The following CDYL variants were observed in gnomAD, a reference collection of about 807,000 sequenced individuals.
CDYL encodes the protein chromodomain Y like.
CDYL carries 8 observed loss-of-function variants against 47.3 expected under a neutral mutation model. That is an observed-to-expected ratio of 0.17 (90% confidence interval 0.10 to 0.31). The LOEUF is 0.31. Among genes scored for constraint, CDYL ranks in the 10% least tolerant of loss-of-function variants. The pLI is 1.00. For missense variants in CDYL, 471 were observed against 701.4 expected, an observed-to-expected ratio of 0.67 and a Z score of 3.71; for synonymous variants, 266 against 265.0, an observed-to-expected ratio of 1.00 and a Z score of -0.04.
chr6:4,747,054 AT>A (rs1454243412), intron 3 of CDYL, among the ~76,000 whole-genome samples: 14 of 152,300 alleles, frequency 9.2e-5, no homozygotes, highest in Admixed American at 6.5e-4. Flanking sequence ...CACGCCTGTA[AT>A]CCCAGCACTT....
rs1400987185 is a variant in CDYL, at chr6:4,852,475, CCTTCCTTCCTTCCTTCCAAT to C, written c.25-39180_25-39161del. Among the ~76,000 whole-genome samples, 98 of 106,558 alleles carry C rather than the reference CCTTCCTTCCTTCCTTCCAAT, an allele frequency of 9.2e-4. 2 individuals carry two copies. The highest frequency in any genetic ancestry group is 3.0e-3 in the East Asian group (11 of 3,610). 69.9% of individuals were successfully genotyped at this position (106,558 alleles called of 152,430 possible). ...ATCTTCCTTCCTTCCTTCCAATCTT[CCTTCCTTCCTTCCTTCCAAT>C]CTTCCTTCCTTCCTTCCAATCTTCC... On this transcript the variant is annotated intron_variant, in intron 1 of 6. Transcript: ENST00000397588.
intron 5 of CDYL, among the ~76,000 whole-genome samples, chr6:4,946,088 C>T (rs1010893142): frequency 1.3e-5 from 2 of 152,170 alleles, no homozygotes; most frequent in Non-Finnish European, 2.9e-5. Flanking sequence ...AGGCTGGACA[C>T]TCAGTAGCAA....
intron 5 of CDYL, 91 bp downstream of exon 5, chr6:4,943,847 C>A: frequency 2.1e-6 from 2 of 966,888 alleles, no homozygotes; most frequent in Non-Finnish European, 3.0e-6. Flanking sequence ...TAAAGCTGTA[C>A]AGTGTGTCAT....
chr6:4,936,702 T>TAAAAC (rs1561718548), intron 3 of CDYL, among the ~76,000 whole-genome samples: 1 of 152,198 alleles, frequency 6.6e-6, no homozygotes, highest in Non-Finnish European at 1.5e-5. Flanking sequence ...GGGTAGTTTT[T>TAAAAC]AAAACAAAAC....
chr6:4,953,796 G>C, intron 6 of CDYL, 102 bp from the exon 7 acceptor site: 1 of 1,109,918 alleles, frequency 9.0e-7, no homozygotes, highest in Non-Finnish European at 1.3e-6. Context: ...TTTAACAGGT[G>C]ATTGCTGGAA....
chr6:4,810,275 A>T (rs1759492726), intron 1 of CDYL, among the ~76,000 whole-genome samples: 1 of 152,216 alleles, frequency 6.6e-6, no homozygotes, highest in African/African-American at 2.4e-5. Flanking sequence ...TTCAGGCATC[A>T]GTTCCGAAAT....
intron 2 of CDYL, among the ~76,000 whole-genome samples, chr6:4,716,917 T>C (rs1757276085): frequency 6.6e-6 from 1 of 151,948 alleles, no homozygotes; most frequent in South Asian, 2.1e-4. Context: ...TAGCATGAAA[T>C]AGGCACCCCA....
rs556625253 is a variant in CDYL at position 4,737,657 on chromosome 6, G to T, written c.186+2813G>T. ...AAAAATAGCCTCAGCCTCCCAAGTAGGGGGGACTACAGGCATGCACCACCA... is the reference window on the plus strand; with the variant it reads ...AAAAATAGCCTCAGCCTCCCAAGTATGGGGGACTACAGGCATGCACCACCA... On this transcript the variant is annotated intron_variant, in intron 3 of 8. Coordinates refer to the CDYL transcript ENST00000328908. Among the ~76,000 whole-genome samples the T allele has an allele frequency of 7.2e-5, 11 of 151,938 alleles. 1 individual carries two copies. The South Asian group carries it at 1.7e-3, about 23-fold the overall frequency.
chr6:4,946,033 G>C (rs935539173), intron 5 of CDYL, among the ~76,000 whole-genome samples: 1 of 152,224 alleles, frequency 6.6e-6, no homozygotes, highest in Non-Finnish European at 1.5e-5. Flanking sequence ...GGCCTCCCTG[G>C]GAATGGTGTC....
intron 2 of CDYL, among the ~76,000 whole-genome samples, chr6:4,723,950 C>T (rs1263232884): frequency 6.6e-6 from 1 of 152,114 alleles, no homozygotes; most frequent in Admixed American, 6.6e-5. Context: ...ATGAATGAGC[C>T]CTGGGGATTA....
At chr6:4,735,942 T>G (rs1675705686) in intron 3 of CDYL, among the ~76,000 whole-genome samples, 1 of 151,830 alleles carries the variant, frequency 6.6e-6, no homozygotes, top group Non-Finnish European at 1.5e-5. Flanking sequence ...ACAGTTAAGA[T>G]CTACCCTCTT....
upstream of CDYL, chr6:4,773,323 C>T: frequency 5.4e-6 from 2 of 369,280 alleles, no homozygotes; most frequent in South Asian, 4.1e-5. The surrounding 1 kb of genome is among the most constrained non-coding windows in gnomAD (Gnocchi z 4.6). Context: ...CTGCAATCTT[C>T]CCGGTGTGCT....
chr6:4,951,455 A>C (rs972259537), intron 5 of CDYL, among the ~76,000 whole-genome samples: 2 of 152,240 alleles, frequency 1.3e-5, no homozygotes, highest in Middle Eastern at 6.8e-3. Flanking sequence ...GTTCAGTGTC[A>C]TGTATTAAAA....
chr6:4,724,213 G>T (rs960347140), intron 2 of CDYL, among the ~76,000 whole-genome samples: 3 of 147,380 alleles, frequency 2.0e-5, no homozygotes, highest in Non-Finnish European at 3.0e-5. Flanking sequence ...GCTAATTTTT[G>T]TATTTTTTTT....
chr6:4,937,089 G>A (rs892362645), intron 3 of CDYL, among the ~76,000 whole-genome samples: 1 of 152,176 alleles, frequency 6.6e-6, no homozygotes, highest in Non-Finnish European at 1.5e-5. Flanking sequence ...GGGTGCGGTG[G>A]CTAATGCATG....
At chr6:4,892,521 T>C in intron 2 of CDYL, 142 bp downstream of exon 2, 1 of 849,818 alleles carries the variant, frequency 1.2e-6, no homozygotes, top group Non-Finnish European at 1.8e-6. Context: ...CGCCTTCTCC[T>C]TTCTTCGCTG....
intron 4 of CDYL, among the ~76,000 whole-genome samples, chr6:4,942,270 A>C (rs1581284244): frequency 6.6e-6 from 1 of 151,206 alleles, no homozygotes; most frequent in Non-Finnish European, 1.5e-5. Context: ...GCAATTCCTC[A>C]CTCTCCTGTT....
At chr6:4,917,586 G>C (rs1255822441) in intron 2 of CDYL, among the ~76,000 whole-genome samples, 2 of 152,160 alleles carry the variant, frequency 1.3e-5, no homozygotes, top group South Asian at 2.1e-4. Flanking sequence ...TCTAATCTCC[G>C]ATTTACAGAT....
In CDYL at chr6:4,897,790, G is replaced by GTTTTTTTC. The variant is rs1554105984; in HGVS notation, c.691+5418_691+5419insCTTTTTTT. Among the ~76,000 whole-genome samples the GTTTTTTTC allele has an allele frequency of 9.1e-3, 1,274 of 140,250 alleles. 31 individuals are homozygous for GTTTTTTTC. Among genetic ancestry groups the GTTTTTTTC allele is most frequent in the African/African-American group, 0.034 (1,225 of 36,444 alleles). 92.0% of individuals were successfully genotyped at this position (140,250 alleles called of 152,430 possible). On this transcript the variant is annotated intron_variant, in intron 2 of 6. Coordinates refer to ENST00000397588, the MANE Select transcript of CDYL (RefSeq NM_004824.4). ...ATTTTCCTAGGTTTTGAAGGTTTTT[G>GTTTTTTTC]TTTTTTTTTTTTAAATTATCCAGGC... is the stretch of plus-strand genomic sequence containing the variant.
Sources: gnomAD v4.1 joint callset for allele counts (sites outside exome capture counted in the v4.1 genomes callset) on GRCh38, gnomAD v4.1.1 for gene constraint, Gnocchi (gnomAD v3.1) non-coding constraint, MANE v1.5 for transcripts, NCBI Gene and HGNC (gene_info 2026-07-23, HGNC 2026-07-21) for gene names.